Variants in NEK11 observed in about 807,000 individuals in gnomAD.
NEK11 encodes the protein NIMA related kinase 11, also known as serine/threonine-protein kinase Nek11.
NEK11 carries 72 observed loss-of-function variants against 80.7 expected under a neutral mutation model. That is an observed-to-expected ratio of 0.89 (90% confidence interval 0.74 to 1.08). The LOEUF (loss-of-function observed/expected upper bound fraction) is 1.08. Among genes scored for constraint, NEK11 ranks in the 50% least tolerant of loss-of-function variants. The probability of loss-of-function intolerance (pLI) is 0.00; values close to 1 mark genes in which losing one functional copy is unlikely to be tolerated. For missense variants in NEK11, 764 were observed against 763.6 expected, an observed-to-expected ratio of 1.00 and a Z score of -0.01; for synonymous variants, 251 against 260.7, an observed-to-expected ratio of 0.96 and a Z score of 0.36.
At chr3:131,250,348 G>A (rs1265637508) in intron 16 of NEK11, among the ~76,000 whole-genome samples, 1 of 151,988 alleles carries the variant, frequency 6.6e-6, no homozygotes, top group Non-Finnish European at 1.5e-5. Context: ...AAAGAGTGGT[G>A]TCTTATTTTT....
intron 17 of NEK11, among the ~76,000 whole-genome samples, chr3:131,293,028 A>G (rs1011806805): frequency 1.3e-5 from 2 of 152,166 alleles, no homozygotes; most frequent in South Asian, 2.1e-4. Flanking sequence ...CAATCGTGTC[A>G]TCACTGAAGG....
At chr3:131,296,767 C>T (rs1165404818) in intron 17 of NEK11, among the ~76,000 whole-genome samples, 4 of 152,004 alleles carry the variant, frequency 2.6e-5, no homozygotes, top group Admixed American at 6.6e-5. Context: ...CCCATTAACT[C>T]GTCATTTAGC....
chr3:131,149,095 C>G (rs935233091), intron 7 of NEK11, among the ~76,000 whole-genome samples: 4 of 151,834 alleles, frequency 2.6e-5, no homozygotes, highest in African/African-American at 9.7e-5. Flanking sequence ...TAGTTTGTTA[C>G]AGCAACCGCC....
intron 17 of NEK11, among the ~76,000 whole-genome samples, chr3:131,341,699 ATTC>A (rs2097289382): frequency 6.6e-6 from 1 of 152,084 alleles, no homozygotes; most frequent in African/African-American, 2.4e-5. Flanking sequence ...CTCATTTAGA[ATTC>A]TTTTTTTCTT....
chr3:131,041,450 C>T (rs2066451050), intron 3 of NEK11, among the ~76,000 whole-genome samples: 1 of 152,054 alleles, frequency 6.6e-6, no homozygotes, highest in South Asian at 2.1e-4. Context: ...AGATAATTTC[C>T]CACAGATAAA....
intron 5 of NEK11, among the ~76,000 whole-genome samples, chr3:131,121,935 A>G (rs1392683435): frequency 3.3e-5 from 5 of 152,180 alleles, no homozygotes; most frequent in Non-Finnish European, 2.9e-5. Flanking sequence ...TGCACTTCCC[A>G]GGTGAGGTGA....
chr3:131,093,378 T>C (rs2076990664), intron 4 of NEK11, among the ~76,000 whole-genome samples: 1 of 151,888 alleles, frequency 6.6e-6, no homozygotes, highest in South Asian at 2.1e-4. Context: ...TAAACAAGAG[T>C]CTGAATATAT....
At chr3:131,034,031 T>C (rs958648782) in intron 3 of NEK11, among the ~76,000 whole-genome samples, 1 of 152,218 alleles carries the variant, frequency 6.6e-6, no homozygotes, top group Admixed American at 6.5e-5. Flanking sequence ...CCTAAAAAGA[T>C]TGTGCTAGTT....
chr3:131,308,534 T>G (rs1271753300), intron 17 of NEK11, among the ~76,000 whole-genome samples: 1 of 152,174 alleles, frequency 6.6e-6, no homozygotes, highest in Non-Finnish European at 1.5e-5. Flanking sequence ...CTTTAAGAAT[T>G]AGGAATTACC....
intron 4 of NEK11, among the ~76,000 whole-genome samples, chr3:131,097,408 C>G (rs1194579513): frequency 6.6e-6 from 1 of 151,740 alleles, no homozygotes; most frequent in Non-Finnish European, 1.5e-5. Context: ...TGTTTCCTGA[C>G]TTTTTAATGA....
At chr3:131,170,924 AG>A (rs745327225) in intron 14 of NEK11, 37 bp downstream of exon 14, 2 of 1,493,330 alleles carry the variant, frequency 1.3e-6, no homozygotes, top group Non-Finnish European at 1.9e-6. Flanking sequence ...GGATGCTCAC[AG>A]CTGCTGCACA....
intron 14 of NEK11, among the ~76,000 whole-genome samples, chr3:131,191,694 A>T (rs1447291519): frequency 2.0e-5 from 3 of 152,164 alleles, no homozygotes; most frequent in African/African-American, 7.2e-5. Context: ...CTGAATTCTG[A>T]TAAAAAAAAT....
chr3:131,253,511 A>G (rs886282180), intron 16 of NEK11, among the ~76,000 whole-genome samples: 1 of 152,186 alleles, frequency 6.6e-6, no homozygotes, highest in Non-Finnish European at 1.5e-5. Flanking sequence ...ACATTTCCGT[A>G]GTTGAAATTT....
At chr3:131,302,609 C>A (rs558661398) in intron 17 of NEK11, among the ~76,000 whole-genome samples, 8 of 152,078 alleles carry the variant, frequency 5.3e-5, no homozygotes, top group Non-Finnish European at 1.2e-4. Context: ...CATTGCTTAC[C>A]CAAAAGTCAT....
intron 17 of NEK11, among the ~76,000 whole-genome samples, chr3:131,321,731 T>G (rs931110013): frequency 2.6e-5 from 4 of 152,064 alleles, no homozygotes; most frequent in Non-Finnish European, 4.4e-5. Flanking sequence ...CCAAGAAACA[T>G]GAAAACATGC....
intron 14 of NEK11, among the ~76,000 whole-genome samples, chr3:131,209,717 G>A (rs946302804): frequency 6.6e-6 from 1 of 152,174 alleles, no homozygotes; most frequent in South Asian, 2.1e-4. Flanking sequence ...TCTTGGGAGG[G>A]TGTAAATGTA....
intron 17 of NEK11, among the ~76,000 whole-genome samples, chr3:131,341,303 T>A (rs1272383635): frequency 6.6e-6 from 1 of 152,230 alleles, no homozygotes; most frequent in Admixed American, 6.5e-5. Flanking sequence ...TTATTTAGAA[T>A]GTATTATTTT....
intron 14 of NEK11, among the ~76,000 whole-genome samples, chr3:131,215,980 A>G (rs572991711): frequency 1.2e-3 from 189 of 152,350 alleles, no homozygotes; most frequent in Non-Finnish European, 2.5e-3. Flanking sequence ...ACAGGTGACT[A>G]TTGAGCACTT....
Position 131,133,928 on chromosome 3 carries a change from C to A in NEK11, c.619C>A (p.Gln207Lys). ...HYMSPEALKH[Q>K]GYDTKSDIWS... The stretch of plus-strand genomic sequence containing the variant: ...TATGAGTCCTGAGGCTCTGAAACAC[C>A]AAGGCTATGACACAAAGTCGGACAT... The change falls in exon 7 of 18, where the codon CAA (glutamine) becomes AAA (lysine). Residue 207 changes from glutamine to lysine, a missense_variant. Physicochemically the swap from Gln to Lys is moderately conservative, Grantham distance 53 (BLOSUM62 1). Transcript: ENST00000383366. 8 of 1,611,198 alleles carry A rather than the reference C, an allele frequency of 5.0e-6. No homozygotes were observed. Among genetic ancestry groups the A allele is most frequent in the Non-Finnish European group, 6.8e-6 (8 of 1,178,298 alleles).
Sources: allele counts gnomAD v4.1 joint callset (sites outside exome capture counted in the v4.1 genomes callset), GRCh38; gene constraint gnomAD v4.1.1; transcripts MANE v1.5; gene names NCBI Gene and HGNC (gene_info 2026-07-23, HGNC 2026-07-21).